CEP170: variants seen among roughly 807,000 people sequenced by gnomAD.
The protein encoded by CEP170 is centrosomal protein 170.
Under a neutral mutation model 151.9 loss-of-function variants are expected in CEP170, and 21 were observed. The ratio of observed to expected loss-of-function variants is 0.14; its 90% CI spans 0.10 to 0.20. CEP170 has a LOEUF of 0.20. CEP170 is among the 10% of genes least tolerant of loss of function. The probability of loss-of-function intolerance (pLI) is 1.00; values close to 1 mark genes in which losing one functional copy is unlikely to be tolerated. For synonymous variants in CEP170, 356 were observed against 648.8 expected (o/e 0.55, Z 6.86); for missense variants, 964 against 1,892.9 (o/e 0.51, Z 9.11).
chr1:243,141,172 T>C (rs2055789146), intron 15 of CEP170, among the ~76,000 whole-genome samples: 1 of 152,164 alleles, frequency 6.6e-6, no homozygotes, highest in African/African-American at 2.4e-5. Context: ...TCAAAAAGGC[T>C]AGCCATTTTT....
intron 17 of CEP170, among the ~76,000 whole-genome samples, chr1:243,129,655 A>G (rs2054143980): frequency 6.6e-6 from 1 of 152,164 alleles, no homozygotes; most frequent in Admixed American, 6.5e-5. Flanking sequence ...GCTTATTAAT[A>G]CATGCATAAA....
chr1:243,178,308 CAAAAAAAA>C (rs869094317), intron 10 of CEP170, among the ~76,000 whole-genome samples: 14 of 30,426 alleles, frequency 4.6e-4, no homozygotes, highest in East Asian at 3.3e-3. Flanking sequence ...GACTCTGCCT[CAAAAAAAA>C]AAAAAAAAAA....
intron 4 of CEP170, among the ~76,000 whole-genome samples, chr1:243,201,513 G>A (rs1408800869): frequency 6.6e-6 from 1 of 152,076 alleles, no homozygotes; most frequent in Non-Finnish European, 1.5e-5. Flanking sequence ...CTAAAGAGTA[G>A]AGGTCACATT....
chr1:243,194,660 T>C (rs1421052926), intron 7 of CEP170, among the ~76,000 whole-genome samples: 1 of 151,760 alleles, frequency 6.6e-6, no homozygotes, highest in Non-Finnish European at 1.5e-5. Context: ...CTATAAGGGG[T>C]CTTCTAATCA....
intron 6 of CEP170, 132 bp downstream of exon 6, chr1:243,200,386 A>G: frequency 3.5e-6 from 3 of 864,942 alleles, no homozygotes; most frequent in Non-Finnish European, 5.3e-6. Context: ...CACTGGTAGC[A>G]TTAAAACACA....
chr1:243,241,540 A>G (rs1263201452), intron 1 of CEP170, among the ~76,000 whole-genome samples: 1 of 152,220 alleles, frequency 6.6e-6, no homozygotes, highest in Non-Finnish European at 1.5e-5. Context: ...CTGTAATCCC[A>G]GCACTTTGGG....
At chr1:243,212,583 T>C (rs949016240) in intron 3 of CEP170, among the ~76,000 whole-genome samples, 6 of 152,122 alleles carry the variant, frequency 3.9e-5, no homozygotes, top group Admixed American at 3.9e-4. Flanking sequence ...CATCAATTAT[T>C]CCAAACAACG....
intron 7 of CEP170, among the ~76,000 whole-genome samples, chr1:243,194,011 C>T (rs2060478611): frequency 6.6e-6 from 1 of 151,988 alleles, no homozygotes; most frequent in African/African-American, 2.4e-5. Context: ...AAACCCAACT[C>T]TAAAAAACCC....
Position 243,189,513 on chromosome 1 carries a change from G to A in CEP170, c.1108+1505C>T, listed in dbSNP as rs375100806. The stretch of plus-strand genomic sequence containing the variant: ...GGAGCTTGCAGTGAGCCGAGATCGC[G>A]CCACTGCACTCCAGCCTGAGTGACA... On this transcript the variant is annotated intron_variant, in intron 8 of 19. Transcript: ENST00000366542. Among the ~76,000 whole-genome samples the A allele has an allele frequency of 3.5e-4, 51 of 144,786 alleles. No homozygotes were observed. In the East Asian group the frequency reaches 4.3e-3, roughly 12 times the overall value. The allele number at this position is 144,786 out of a possible 152,430, so 95.0% of individuals were successfully genotyped here.
chr1:243,199,969 GAATCTGT>G lies in CEP170; in HGVS notation c.496+542_496+548del, dbSNP rs1301188232. On this transcript the variant is annotated intron_variant, in intron 6 of 19. Transcript: ENST00000366542. ...AGGTAAACTACACAGTTAACCCTCT[GAATCTGT>G]AGGTTCTGCATCCATGGGTTCAATT... Among the ~76,000 whole-genome samples the G allele has an allele frequency of 5.9e-5, 9 of 152,052 alleles. No homozygotes were observed. In the East Asian group the frequency reaches 1.7e-3, roughly 29 times the overall value.
intron 17 of CEP170, among the ~76,000 whole-genome samples, chr1:243,132,405 T>C (rs561665975): frequency 3.7e-4 from 57 of 152,360 alleles, no homozygotes; most frequent in African/African-American, 1.3e-3. Flanking sequence ...ATTGCATATG[T>C]GCCTCACCTT....
chr1:243,229,118 C>CCA (rs1231538650), intron 1 of CEP170, among the ~76,000 whole-genome samples: 2 of 152,146 alleles, frequency 1.3e-5, no homozygotes, highest in Non-Finnish European at 2.9e-5. Flanking sequence ...TTACTAACAC[C>CCA]CACACATGGA....
chr1:243,210,330 AAAG>A (rs2061694953), intron 4 of CEP170, among the ~76,000 whole-genome samples: 1 of 152,198 alleles, frequency 6.6e-6, no homozygotes, highest in Non-Finnish European at 1.5e-5. Flanking sequence ...CAAATGGATT[AAAG>A]GAGGTATCTA....
intron 14 of CEP170, among the ~76,000 whole-genome samples, chr1:243,155,982 GGGGGAGACAGAAAA>G (rs2057511820): frequency 1.3e-5 from 2 of 152,004 alleles, no homozygotes; most frequent in Non-Finnish European, 2.9e-5. Context: ...AAAAGGGAGG[GGGGGAGACAGAAAA>G]GGTCAAAATA....
chr1:243,155,230 G>C (rs977842849), intron 14 of CEP170, among the ~76,000 whole-genome samples: 1 of 152,128 alleles, frequency 6.6e-6, no homozygotes, highest in Non-Finnish European at 1.5e-5. Context: ...TAAAAGCGAT[G>C]ACAAGTGAAT....
chr1:243,159,025 C>T (rs2148488233), intron 13 of CEP170, among the ~76,000 whole-genome samples: 1 of 152,216 alleles, frequency 6.6e-6, no homozygotes, highest in South Asian at 2.1e-4. Flanking sequence ...TGAGATCGCA[C>T]CACTGCACTG....
chr1:243,163,683 C>G (rs1349732133), intron 13 of CEP170, among the ~76,000 whole-genome samples: 1 of 152,102 alleles, frequency 6.6e-6, no homozygotes, highest in Non-Finnish European at 1.5e-5. Context: ...TCTTCTTCCA[C>G]TGAAATAAAT....
intron 13 of CEP170, among the ~76,000 whole-genome samples, chr1:243,159,763 T>TTTTGTGTGTGTGTGTGTG (rs1553343086): frequency 7.9e-6 from 1 of 127,076 alleles, no homozygotes; most frequent in Non-Finnish European, 1.7e-5. Flanking sequence ...GTTTCCGGTT[T>TTTTGTGTGTGTGTGTGTG]TGTGTGTGTG....
chr1:243,201,613 G>C (rs762808405), intron 4 of CEP170, among the ~76,000 whole-genome samples: 1 of 152,118 alleles, frequency 6.6e-6, no homozygotes, highest in Non-Finnish European at 1.5e-5. Context: ...TCATGACTTC[G>C]AGGGTAGAAA....
Sources: allele counts gnomAD v4.1 joint callset (sites outside exome capture counted in the v4.1 genomes callset), GRCh38; gene constraint gnomAD v4.1.1; transcripts MANE v1.5; gene names NCBI Gene and HGNC (gene_info 2026-07-23, HGNC 2026-07-21).